MYLK4: variants seen among roughly 807,000 people sequenced by gnomAD.
The protein encoded by MYLK4 is caMLCK like.
A neutral mutation model predicts 48.1 loss-of-function variants in MYLK4; 46 were observed. The ratio of observed to expected loss-of-function variants is 0.96; its 90% CI spans 0.75 to 1.22. MYLK4 has a LOEUF of 1.22. Among genes scored for constraint, MYLK4 ranks in the 50% most tolerant of loss-of-function variants. The pLI, the probability that MYLK4 is intolerant of heterozygous loss-of-function variation, is 0.00. For missense variants in MYLK4, 451 were observed against 486.1 expected, an observed-to-expected ratio of 0.93 and a Z score of 0.68; for synonymous variants, 170 against 180.8, an observed-to-expected ratio of 0.94 and a Z score of 0.48.
intron 2 of MYLK4, among the ~76,000 whole-genome samples, chr6:2,728,412 A>T (rs1039228562): frequency 4.2e-5 from 6 of 143,876 alleles, no homozygotes; most frequent in South Asian, 2.1e-4. Flanking sequence ...GAGTTTTATT[A>T]AAAAAAACAA....
chr6:2,699,287 C>CTTTTTTTTTTTTTCTTTTTTT (rs1762188915), intron 2 of MYLK4, among the ~76,000 whole-genome samples: 1 of 77,894 alleles, frequency 1.3e-5, no homozygotes, highest in African/African-American at 5.5e-5. Flanking sequence ...CTTTTCTTTT[C>CTTTTTTTTTTTTTCTTTTTTT]TTTTTTTTTT....
intron 2 of MYLK4, among the ~76,000 whole-genome samples, chr6:2,725,083 G>A (rs1168234206): frequency 2.0e-5 from 3 of 152,138 alleles, no homozygotes; most frequent in Non-Finnish European, 4.4e-5. Flanking sequence ...CCTGGGAGGC[G>A]GAGGTGGCAG....
At chr6:2,760,592 C>A in the MYLK4 span, among the ~76,000 whole-genome samples, 1 of 152,138 alleles carries the variant, frequency 6.6e-6, no homozygotes, top group Non-Finnish European at 1.5e-5. Context: ...CTCAGGAAAT[C>A]CCACGGGATT....
chr6:2,671,644 C>T (rs189818515), intron 11 of MYLK4, among the ~76,000 whole-genome samples: 47 of 152,274 alleles, frequency 3.1e-4, no homozygotes, highest in African/African-American at 9.1e-4. Context: ...CAAAAACTCA[C>T]GCGTGTATAG....
chr6:2,726,218 T>G (rs1338750183), intron 2 of MYLK4, among the ~76,000 whole-genome samples: 1 of 152,182 alleles, frequency 6.6e-6, no homozygotes, highest in Non-Finnish European at 1.5e-5. Context: ...AAGATTACCT[T>G]GAGACTCTCT....
At chr6:2,727,058 A>C (rs1763304577) in intron 2 of MYLK4, among the ~76,000 whole-genome samples, 1 of 152,236 alleles carries the variant, frequency 6.6e-6, no homozygotes, top group South Asian at 2.1e-4. Context: ...AGATTCTGCC[A>C]TCTGAAAGGT....
intron 2 of MYLK4, among the ~76,000 whole-genome samples, chr6:2,731,518 G>A (rs949572951): frequency 6.6e-6 from 1 of 152,086 alleles, no homozygotes; most frequent in African/African-American, 2.4e-5. Context: ...CTATCCTTCA[G>A]GTGCAGATGA....
At chr6:2,718,995 C>T (rs569519387) in intron 2 of MYLK4, among the ~76,000 whole-genome samples, 185 of 152,300 alleles carry the variant, frequency 1.2e-3, no homozygotes, top group Non-Finnish European at 1.2e-3. Context: ...TCTGGACTCA[C>T]GATGTGGTCC....
intron 2 of MYLK4, among the ~76,000 whole-genome samples, chr6:2,719,785 T>TGA (rs1388184057): frequency 6.6e-6 from 1 of 152,088 alleles, no homozygotes. Flanking sequence ...GCTAACAAAG[T>TGA]GAGGCTCAAG....
the MYLK4 span, chr6:2,766,386 T>G: frequency 6.2e-7 from 1 of 1,607,934 alleles, no homozygotes. Context: ...CTGCGCTCGC[T>G]CCTGGAGACC....
the MYLK4 span, chr6:2,770,343 G>GCAGCAA: frequency 2.5e-6 from 4 of 1,614,170 alleles, no homozygotes; most frequent in South Asian, 4.4e-5. Flanking sequence ...CTGAGCCACA[G>GCAGCAA]CAGCAACAGC....
intron 2 of MYLK4, among the ~76,000 whole-genome samples, chr6:2,724,284 C>T (rs1212423939): frequency 6.6e-6 from 1 of 152,172 alleles, no homozygotes; most frequent in Non-Finnish European, 1.5e-5. Context: ...GTCATTGTCA[C>T]CAAAAACCCA....
the MYLK4 span, among the ~76,000 whole-genome samples, chr6:2,757,362 G>A: frequency 6.6e-6 from 1 of 152,156 alleles, no homozygotes; most frequent in East Asian, 1.9e-4. Flanking sequence ...TGAAGCCTGG[G>A]AGGCAGAGGG....
intron 2 of MYLK4, 89 bp from the exon 3 acceptor site, chr6:2,692,948 C>T (rs1761870508): frequency 1.7e-6 from 2 of 1,209,798 alleles, no homozygotes; most frequent in South Asian, 1.3e-5. Context: ...TGGATGATTC[C>T]GTGTGGTGGG....
At position 2,672,201 on chromosome 6, in the gene MYLK4, C is replaced by T. The variant is rs1035460746; in HGVS notation, c.1120-853G>A. Among the ~76,000 whole-genome samples the T allele has an allele frequency of 2.6e-5, 4 of 152,150 alleles. No homozygotes were observed. Among genetic ancestry groups the T allele is most frequent in the East Asian group, 1.9e-4 (1 of 5,196 alleles). On this transcript the variant is annotated intron_variant, in intron 11 of 12. Transcript: ENST00000274643. This position sits in a 1 kb window ranked among gnomAD's most constrained non-coding sequence, Gnocchi z 4.3. ...AAACATGTCAAATTTGTGTCGTGTT[C>T]CTTCCTCTGGCCCCAGAACCCTGGC...
chr6:2,708,404 A>G (rs1393860136), intron 2 of MYLK4, among the ~76,000 whole-genome samples: 3 of 152,252 alleles, frequency 2.0e-5, no homozygotes, highest in African/African-American at 7.2e-5. Context: ...TCATCTTCAC[A>G]GATTTGCCAT....
the MYLK4 span, among the ~76,000 whole-genome samples, chr6:2,759,874 C>T: frequency 6.6e-6 from 1 of 152,148 alleles, no homozygotes; most frequent in Non-Finnish European, 1.5e-5. Flanking sequence ...CTTTCACATT[C>T]CACTTTATAA....
At chr6:2,762,504 G>A in the MYLK4 span, among the ~76,000 whole-genome samples, 1 of 152,064 alleles carries the variant, frequency 6.6e-6, no homozygotes, top group Non-Finnish European at 1.5e-5. Context: ...ATGTGGCCAC[G>A]TTATCTCTAT....
chr6:2,756,503 C>CAGG, the MYLK4 span, among the ~76,000 whole-genome samples: 1 of 152,144 alleles, frequency 6.6e-6, no homozygotes, highest in Admixed American at 6.5e-5. Context: ...CCCTGGGCAC[C>CAGG]AGGAGTGTTT....
Sources: gnomAD v4.1 joint callset for allele counts (sites outside exome capture counted in the v4.1 genomes callset) on GRCh38, gnomAD v4.1.1 for gene constraint, Gnocchi (gnomAD v3.1) non-coding constraint, MANE v1.5 for transcripts, NCBI Gene and HGNC (gene_info 2026-07-23, HGNC 2026-07-21) for gene names.